The following PIK3C2G variants were observed in gnomAD, a reference collection of about 807,000 sequenced individuals.
PIK3C2G encodes phosphatidylinositol 3-kinase C2 domain-containing subunit gamma.
A neutral mutation model predicts 181.1 loss-of-function variants in PIK3C2G; 168 were observed. That is an observed-to-expected ratio of 0.93 (90% CI 0.82 to 1.05). The LOEUF (loss-of-function observed/expected upper bound fraction) is 1.05, where lower values mean the gene tolerates loss of function less well. Ranked by LOEUF, PIK3C2G falls within the 50% of genes least tolerant of loss-of-function variation. The pLI is 0.00. For synonymous variants in PIK3C2G, 573 were observed against 592.2 expected (o/e 0.97, Z 0.47); for missense variants, 1,869 against 1,732.8 (o/e 1.08, Z -1.40).
intron 31 of PIK3C2G, among the ~76,000 whole-genome samples, chr12:18,637,631 A>T (rs1949665088): frequency 6.6e-6 from 1 of 152,158 alleles, no homozygotes; most frequent in Non-Finnish European, 1.5e-5. Flanking sequence ...CCCCCGTTGC[A>T]TTTAGGTTTC....
intron 18 of PIK3C2G, among the ~76,000 whole-genome samples, chr12:18,482,040 G>T (rs1323671014): frequency 7.2e-5 from 11 of 152,062 alleles, no homozygotes; most frequent in Admixed American, 7.2e-4. Flanking sequence ...AACCAGGCTA[G>T]ATTCTATAGT....
At chr12:18,701,845 A>G in the PIK3C2G span, 4 of 1,537,198 alleles carry the variant, frequency 2.6e-6, no homozygotes, top group South Asian at 1.2e-5. Context: ...AGTCACTGAA[A>G]AGTGTTTCAC....
intron 1 of PIK3C2G, among the ~76,000 whole-genome samples, chr12:18,278,161 T>TA (rs1949063165): frequency 1.3e-5 from 2 of 152,204 alleles, no homozygotes; most frequent in South Asian, 4.1e-4. Flanking sequence ...GCAATACATT[T>TA]ATTACGTTTC....
chr12:18,603,272 C>T (rs541143912), intron 30 of PIK3C2G, among the ~76,000 whole-genome samples: 2 of 152,132 alleles, frequency 1.3e-5, no homozygotes, highest in Non-Finnish European at 2.9e-5. Flanking sequence ...AAGAAAGAAA[C>T]TCAGAGCTTG....
chr12:18,650,897 A>G (rs1486372795), downstream of PIK3C2G, among the ~76,000 whole-genome samples: 2 of 151,536 alleles, frequency 1.3e-5, no homozygotes, highest in African/African-American at 4.8e-5. Context: ...CCTGGATTAT[A>G]TAATTGCCTT....
At chr12:18,625,386 C>T (rs939852597) in intron 31 of PIK3C2G, among the ~76,000 whole-genome samples, 7 of 151,624 alleles carry the variant, frequency 4.6e-5, no homozygotes, top group South Asian at 2.1e-4. Context: ...AGAAAAGGTA[C>T]TTGCTGTGAT....
chr12:18,679,092 C>T, the PIK3C2G span, among the ~76,000 whole-genome samples: 329 of 152,164 alleles, frequency 2.2e-3, 7 homozygotes, highest in East Asian at 0.051. Flanking sequence ...CATTGAGCTT[C>T]TTTTCATGTG....
chr12:18,655,713 T>A, the PIK3C2G span, among the ~76,000 whole-genome samples: 1 of 149,044 alleles, frequency 6.7e-6, no homozygotes, highest in Non-Finnish European at 1.5e-5. Flanking sequence ...ACCTCTGAGG[T>A]TTTCCTCCCA....
At chr12:18,266,013 TAAAAAAA>T (rs61315448) in intron 1 of PIK3C2G, among the ~76,000 whole-genome samples, 2 of 61,768 alleles carry the variant, frequency 3.2e-5, no homozygotes, top group Non-Finnish European at 2.8e-5. Flanking sequence ...AGACTTCATC[TAAAAAAA>T]AAAAAAAAAA....
chr12:18,298,854 T>C (rs1950057894), intron 5 of PIK3C2G, among the ~76,000 whole-genome samples: 1 of 151,948 alleles, frequency 6.6e-6, no homozygotes, highest in Non-Finnish European at 1.5e-5. Context: ...ATCACTAGGC[T>C]ATAAATAAAT....
intron 32 of PIK3C2G, among the ~76,000 whole-genome samples, chr12:18,641,741 A>C (rs1565591583): frequency 9.4e-6 from 1 of 105,914 alleles, no homozygotes; most frequent in African/African-American, 5.2e-5. Flanking sequence ...CTCTCTCTCA[A>C]GCTTTTTTTT....
At chr12:18,572,911 T>G (rs1946040757) in intron 29 of PIK3C2G, among the ~76,000 whole-genome samples, 1 of 152,156 alleles carries the variant, frequency 6.6e-6, no homozygotes, top group Non-Finnish European at 1.5e-5. Context: ...ACATTATGTT[T>G]TTCAGTTTTA....
At chr12:18,535,660 A>G (rs923700148) in intron 24 of PIK3C2G, among the ~76,000 whole-genome samples, 2 of 152,138 alleles carry the variant, frequency 1.3e-5, no homozygotes, top group African/African-American at 4.8e-5. Context: ...TTCTAAAATT[A>G]TTTCCGAAGT....
the PIK3C2G span, among the ~76,000 whole-genome samples, chr12:18,699,616 G>A: frequency 1.3e-5 from 2 of 152,070 alleles, no homozygotes; most frequent in Non-Finnish European, 2.9e-5. Flanking sequence ...TAATGGCTAA[G>A]TTCCATGAAA....
Position 18,383,487 on chromosome 12 carries a change from T to C in PIK3C2G, c.1995+1607T>C, listed in dbSNP as rs943806377. 1.3e-5 allele frequency among the ~76,000 whole-genome samples: 2 copies of C among 152,308 alleles called. 1 individual carries two copies. The highest frequency in any genetic ancestry group is 4.1e-4 in the South Asian group (2 of 4,830). ...CAGAGGACATGACATTTGAATGCCC[T>C]TTCTAGAATGAGTAAATTCTCACTA... On this transcript the variant is annotated intron_variant, in intron 14 of 32. Coordinates refer to ENST00000538779, the MANE Select transcript of PIK3C2G (RefSeq NM_001288772.2).
intron 18 of PIK3C2G, among the ~76,000 whole-genome samples, chr12:18,446,658 G>T (rs1220626731): frequency 6.6e-6 from 1 of 152,102 alleles, no homozygotes; most frequent in Non-Finnish European, 1.5e-5. Context: ...AGCTATTGTT[G>T]TTGTTGTTTT....
intron 5 of PIK3C2G, among the ~76,000 whole-genome samples, chr12:18,303,315 C>T (rs1417657287): frequency 3.5e-5 from 5 of 143,364 alleles, no homozygotes; most frequent in African/African-American, 1.3e-4. Flanking sequence ...CCTTTCTTTC[C>T]TTTCTCTCTT....
At chr12:18,649,667 C>A (rs1950333307), downstream of PIK3C2G, among the ~76,000 whole-genome samples, 1 of 152,120 alleles carries the variant, frequency 6.6e-6, no homozygotes, top group Admixed American at 6.6e-5. Context: ...CCCACCATTT[C>A]AATGAAACTA....
chr12:18,349,986 G>A (rs975631459), intron 11 of PIK3C2G, among the ~76,000 whole-genome samples: 4 of 152,166 alleles, frequency 2.6e-5, no homozygotes, highest in African/African-American at 7.2e-5. Context: ...GCAGGAATAC[G>A]TAGTCCATGT....
Sources: gnomAD v4.1 joint callset for allele counts (sites outside exome capture counted in the v4.1 genomes callset) on GRCh38, gnomAD v4.1.1 for gene constraint, MANE v1.5 for transcripts, NCBI Gene and HGNC (gene_info 2026-07-23, HGNC 2026-07-21) for gene names.